The following SHISA9 variants were observed in gnomAD, a reference collection of about 807,000 sequenced individuals.
The protein encoded by SHISA9 is protein shisa-9.
Under a neutral mutation model 38.0 loss-of-function variants are expected in SHISA9, and 13 were observed. The ratio of observed to expected loss-of-function variants is 0.34; its 90% CI spans 0.22 to 0.54. The LOEUF is 0.54. Among genes scored for constraint, SHISA9 ranks in the 20% least tolerant of loss-of-function variants. The pLI is 0.91. For missense variants in SHISA9, 538 were observed against 575.8 expected (o/e 0.93, Z 0.67); for synonymous variants, 275 against 242.0 (o/e 1.14, Z -1.27).
At chr16:13,349,569 C>T in the SHISA9 span, among the ~76,000 whole-genome samples, 1 of 152,232 alleles carries the variant, frequency 6.6e-6, no homozygotes, top group African/African-American at 2.4e-5. Context: ...ATTTCTGTTG[C>T]AACAAGTGCC....
chr16:13,413,870 T>C, the SHISA9 span, among the ~76,000 whole-genome samples: 2 of 152,004 alleles, frequency 1.3e-5, no homozygotes, highest in African/African-American at 4.8e-5. Context: ...TAGTTGCTAT[T>C]GTGGACACTA....
rs560749981 is a variant in SHISA9, at chr16:13,215,903, C to T, written c.895+2603C>T. Reference sequence around the variant, plus strand: ...GCCACTTTCTTAAAAGGGAGAGAGACAGGCTGGGTGCGGTGTCTCACACCT... The same window carrying T: ...GCCACTTTCTTAAAAGGGAGAGAGATAGGCTGGGTGCGGTGTCTCACACCT... On this transcript the variant is annotated intron_variant, in intron 4 of 4. Transcript: ENST00000558583. Among the ~76,000 whole-genome samples the T allele has an allele frequency of 5.6e-4, 86 of 152,250 alleles. No individual in the cohort carries two copies. In the South Asian group the frequency reaches 0.017, roughly 30 times the overall value.
intron 2 of SHISA9, among the ~76,000 whole-genome samples, chr16:13,064,486 A>T (rs2073411219): frequency 6.6e-6 from 1 of 152,210 alleles, no homozygotes; most frequent in Non-Finnish European, 1.5e-5. Context: ...AATAATAATA[A>T]TACAAGAATT....
chr16:13,321,488 C>A, the SHISA9 span, among the ~76,000 whole-genome samples: 1 of 152,146 alleles, frequency 6.6e-6, no homozygotes, highest in Non-Finnish European at 1.5e-5. Flanking sequence ...TACAGCCACC[C>A]TTGGGAAGGT....
the SHISA9 span, among the ~76,000 whole-genome samples, chr16:13,315,472 T>C: frequency 3.3e-5 from 5 of 152,170 alleles, no homozygotes; most frequent in Admixed American, 2.6e-4. Flanking sequence ...TTTAATCTTC[T>C]TGTGGTCCTT....
chr16:13,164,206 A>G (rs2050617764), intron 2 of SHISA9, among the ~76,000 whole-genome samples: 1 of 151,904 alleles, frequency 6.6e-6, no homozygotes, highest in African/African-American at 2.4e-5. Flanking sequence ...TACACATTGC[A>G]TTTTATCACA....
intron 2 of SHISA9, among the ~76,000 whole-genome samples, chr16:12,946,694 G>C (rs149763401): frequency 1.3e-5 from 2 of 152,218 alleles, no homozygotes; most frequent in Non-Finnish European, 2.9e-5. Context: ...GTTGGGGGCC[G>C]AGTAATTTCC....
intron 2 of SHISA9, among the ~76,000 whole-genome samples, chr16:13,194,926 A>T (rs1160475871): frequency 6.6e-6 from 1 of 152,204 alleles, no homozygotes; most frequent in African/African-American, 2.4e-5. Context: ...GTTACAGATA[A>T]TCGAGGGAGG....
chr16:13,446,315 C>A, the SHISA9 span, among the ~76,000 whole-genome samples: 54 of 152,252 alleles, frequency 3.5e-4, no homozygotes, highest in African/African-American at 1.2e-3. Context: ...TTTACTGTAA[C>A]ATTCAATATA....
chr16:13,143,824 C>G (rs1190304542), intron 2 of SHISA9, among the ~76,000 whole-genome samples: 1 of 152,174 alleles, frequency 6.6e-6, no homozygotes, highest in Non-Finnish European at 1.5e-5. Context: ...CATCTCTTCC[C>G]AAATCCACAT....
At chr16:13,534,859 C>A in the SHISA9 span, among the ~76,000 whole-genome samples, 1 of 152,118 alleles carries the variant, frequency 6.6e-6, no homozygotes, top group Non-Finnish European at 1.5e-5. Flanking sequence ...TAAAATCTTT[C>A]CCTAGATGAC....
chr16:13,096,154 A>G (rs574795911), intron 2 of SHISA9, among the ~76,000 whole-genome samples: 8 of 152,336 alleles, frequency 5.3e-5, no homozygotes, highest in Middle Eastern at 3.4e-3. Flanking sequence ...AGATAATCAT[A>G]TGTATGTCAT....
the SHISA9 span, among the ~76,000 whole-genome samples, chr16:13,410,728 G>C: frequency 2.6e-5 from 4 of 152,174 alleles, no homozygotes; most frequent in African/African-American, 7.2e-5. Context: ...AAGCCTGTCA[G>C]GTTGTGCCTG....
intron 2 of SHISA9, among the ~76,000 whole-genome samples, chr16:12,951,325 T>C (rs771604297): frequency 4.0e-5 from 6 of 151,410 alleles, no homozygotes; most frequent in Non-Finnish European, 7.4e-5. Context: ...ACGTTTCCCT[T>C]GGGCAACATC....
At chr16:12,936,438 G>C (rs983825919) in intron 2 of SHISA9, among the ~76,000 whole-genome samples, 3 of 152,194 alleles carry the variant, frequency 2.0e-5, no homozygotes, top group Non-Finnish European at 4.4e-5. Context: ...ACTCAACTCT[G>C]TGATCTCAGT....
At chr16:13,032,463 G>C (rs1284244860) in intron 2 of SHISA9, among the ~76,000 whole-genome samples, 1 of 152,128 alleles carries the variant, frequency 6.6e-6, no homozygotes, top group African/African-American at 2.4e-5. Context: ...TGAGGTTCCT[G>C]TCTTTAAAAA....
chr16:13,052,281 C>T (rs1039066633), intron 2 of SHISA9, among the ~76,000 whole-genome samples: 12 of 152,186 alleles, frequency 7.9e-5, no homozygotes, highest in Non-Finnish European at 1.5e-4. Context: ...ATTTTCCCCC[C>T]TCCTTTCTGA....
intron 3 of SHISA9, among the ~76,000 whole-genome samples, chr16:13,206,062 G>C (rs555960078): frequency 6.6e-6 from 1 of 152,078 alleles, no homozygotes; most frequent in East Asian, 1.9e-4. Context: ...ACTGCACTTG[G>C]CCAGGAAGGA....
At chr16:13,559,004 A>G in the SHISA9 span, among the ~76,000 whole-genome samples, 4 of 152,240 alleles carry the variant, frequency 2.6e-5, no homozygotes, top group Non-Finnish European at 4.4e-5. Context: ...ATGAAGATCA[A>G]TTTATAGTTT....
Sources: gnomAD v4.1 joint callset for allele counts (sites outside exome capture counted in the v4.1 genomes callset) on GRCh38, gnomAD v4.1.1 for gene constraint, MANE v1.5 for transcripts, NCBI Gene and HGNC (gene_info 2026-07-23, HGNC 2026-07-21) for gene names.